Variants in FBXL13 observed in about 807,000 individuals in gnomAD.
FBXL13 encodes F-box and leucine-rich repeat protein 13.
In FBXL13, 67 loss-of-function variants were observed where a neutral mutation model predicts 83.6. The observed-to-expected ratio is 0.80, with a 90% CI of 0.66 to 0.98. The LOEUF is 0.98. Ranked by LOEUF, FBXL13 falls within the 50% of genes least tolerant of loss-of-function variation. The pLI, the probability that FBXL13 is intolerant of heterozygous loss-of-function variation, is 0.00. For synonymous variants in FBXL13, 272 were observed against 299.5 expected (o/e 0.91, Z 0.95); for missense variants, 822 against 866.5 (o/e 0.95, Z 0.64).
chr7:102,953,523 T>G (rs1002558290), intron 8 of FBXL13, among the ~76,000 whole-genome samples: 8 of 152,010 alleles, frequency 5.3e-5, no homozygotes, highest in Non-Finnish European at 1.0e-4. Context: ...AATGAGCAAT[T>G]GTGTAAGAAA....
intron 2 of FBXL13, among the ~76,000 whole-genome samples, chr7:103,038,928 A>G: frequency 6.6e-6 from 1 of 152,246 alleles, no homozygotes; most frequent in East Asian, 1.9e-4. Flanking sequence ...AAAGGATCGC[A>G]GCTCCTCGCC....
chr7:103,063,287 C>T (rs1387025173), intron 1 of FBXL13, among the ~76,000 whole-genome samples: 2 of 152,132 alleles, frequency 1.3e-5, no homozygotes, highest in Non-Finnish European at 2.9e-5. Flanking sequence ...AGAATGTTTC[C>T]TCTTGTCATT....
chr7:103,054,807 GAGA>G (rs1242000991), intron 2 of FBXL13, among the ~76,000 whole-genome samples: 2 of 152,182 alleles, frequency 1.3e-5, no homozygotes, highest in Non-Finnish European at 2.9e-5. Context: ...TGCACGAGAG[GAGA>G]AGGAGGAGAA....
chr7:103,011,652 A>AT (rs1222753187), intron 6 of FBXL13, among the ~76,000 whole-genome samples: 3 of 151,710 alleles, frequency 2.0e-5, no homozygotes, highest in African/African-American at 7.3e-5. Flanking sequence ...AAAAAAAAAA[A>AT]AGAAACAAAC....
chr7:102,923,215 C>T (rs1432745618), intron 10 of FBXL13, among the ~76,000 whole-genome samples: 2 of 152,150 alleles, frequency 1.3e-5, no homozygotes, highest in South Asian at 2.1e-4. Flanking sequence ...GTCGTGGCTA[C>T]AGACATGACC....
intron 17 of FBXL13, among the ~76,000 whole-genome samples, chr7:102,837,686 T>C (rs1026071749): frequency 2.6e-5 from 4 of 152,130 alleles, no homozygotes; most frequent in Non-Finnish European, 4.4e-5. Flanking sequence ...CTTCCACATA[T>C]GTGCATGCTA....
chr7:102,912,864 G>T (rs1024561275), intron 11 of FBXL13: 9 of 503,842 alleles, frequency 1.8e-5, no homozygotes, highest in Non-Finnish European at 2.1e-5. Context: ...CATCCAATGA[G>T]CTCTGCCTGT....
chr7:102,946,923 G>T (rs756119330), intron 8 of FBXL13, among the ~76,000 whole-genome samples: 4 of 151,868 alleles, frequency 2.6e-5, no homozygotes, highest in African/African-American at 9.7e-5. Context: ...TGATCTGCTC[G>T]CCTCAGCCTC....
At chr7:102,902,474 G>A (rs1012580111) in intron 11 of FBXL13, among the ~76,000 whole-genome samples, 2 of 152,136 alleles carry the variant, frequency 1.3e-5, no homozygotes, top group Non-Finnish European at 2.9e-5. Flanking sequence ...TTGGTTGCCT[G>A]TACTTGTGGG....
chr7:103,056,791 T>C (rs952644353), intron 1 of FBXL13, among the ~76,000 whole-genome samples: 1 of 152,040 alleles, frequency 6.6e-6, no homozygotes, highest in African/African-American at 2.4e-5. Context: ...GTAGAAGTGT[T>C]CCCTTTTCAC....
At chr7:102,944,347 T>A (rs1563130169) in intron 8 of FBXL13, 1 of 1,614,124 alleles carries the variant, frequency 6.2e-7, no homozygotes, top group South Asian at 1.1e-5. Flanking sequence ...GAGATGTGAC[T>A]ACAACATTCA....
intron 18 of FBXL13, among the ~76,000 whole-genome samples, chr7:102,824,133 T>C (rs985176584): frequency 2.0e-5 from 3 of 152,192 alleles, no homozygotes; most frequent in Non-Finnish European, 4.4e-5. Context: ...GTGATGTTGT[T>C]GGGATTTATG....
At chr7:102,812,894 A>G (rs1406889930), downstream of FBXL13, among the ~76,000 whole-genome samples, 1 of 147,796 alleles carries the variant, frequency 6.8e-6, no homozygotes, top group Admixed American at 6.8e-5. Context: ...CGAGGCTGGA[A>G]TGCAGTGACG....
chr7:103,025,269 G>C (rs751971430), intron 5 of FBXL13, 39 bp from the exon 7 acceptor site: 7 of 1,380,196 alleles, frequency 5.1e-6, no homozygotes, highest in South Asian at 3.9e-5. Flanking sequence ...TGGAATTGCT[G>C]TAACGGTCAA....
chr7:103,055,234 G>T (rs369396677), intron 2 of FBXL13, 56 bp from the exon 3 acceptor site: 1 of 930,414 alleles, frequency 1.1e-6, no homozygotes, highest in Non-Finnish European at 1.5e-6. Context: ...AGTTAGTTCC[G>T]TAATTAAATC....
chr7:102,910,487 G>A (rs541711236), intron 11 of FBXL13, among the ~76,000 whole-genome samples: 4 of 151,846 alleles, frequency 2.6e-5, no homozygotes, highest in East Asian at 1.9e-4. Flanking sequence ...GTGCTTCAGC[G>A]TGGCTCGGGC....
intron 6 of FBXL13, chr7:102,976,073 G>GC (rs2129482868): frequency 1.3e-6 from 1 of 766,334 alleles, no homozygotes; most frequent in African/African-American, 1.7e-5. Context: ...ACTGTGAGCG[G>GC]CCCCTGCAAG....
chr7:102,971,427 C>T (rs952639920), intron 6 of FBXL13, among the ~76,000 whole-genome samples: 1 of 151,412 alleles, frequency 6.6e-6, no homozygotes, highest in African/African-American at 2.4e-5. Context: ...AAGAAACCCC[C>T]TCTCTACTAA....
At chr7:102,879,557 A>G in intron 14 of FBXL13, among the ~76,000 whole-genome samples, 1 of 152,126 alleles carries the variant, frequency 6.6e-6, no homozygotes, top group East Asian at 1.9e-4. Context: ...TGGTTAATAC[A>G]TTTAGGGCCA....
Sources: gnomAD v4.1 joint callset for allele counts (sites outside exome capture counted in the v4.1 genomes callset) on GRCh38, gnomAD v4.1.1 for gene constraint, MANE v1.5 for transcripts, NCBI Gene and HGNC (gene_info 2026-07-23, HGNC 2026-07-21) for gene names.